The following CETP variants were observed in gnomAD, a reference collection of about 807,000 sequenced individuals.
CETP encodes the protein cholesteryl ester transfer protein.
Under a neutral mutation model 66.5 loss-of-function variants are expected in CETP, and 56 were observed. The ratio of observed to expected loss-of-function variants is 0.84; its 90% confidence interval spans 0.68 to 1.05. The LOEUF is 1.05. Among genes scored for constraint, CETP ranks in the 50% least tolerant of loss-of-function variants. The probability of loss-of-function intolerance (pLI) is 0.00; values close to 1 mark genes in which losing one functional copy is unlikely to be tolerated. For synonymous variants in CETP, 251 were observed against 245.7 expected (o/e 1.02, Z -0.20); for missense variants, 612 against 609.6 (o/e 1.00, Z -0.04).
At chr16:56,978,506 G>T (rs2056166341) in intron 11 of CETP, among the ~76,000 whole-genome samples, 4 of 151,786 alleles carry the variant, frequency 2.6e-5, no homozygotes. Context: ...TTAGAGACAG[G>T]GTCTCACTCT....
rs1262558940 is a variant in CETP, at chr16:56,983,765, T to C, written c.*99T>C. ...CTCCTCCAGCGTGGTGGAAGTTGGG[T>C]TAGGAGTACGGAGATGGAGATTGGC... On this transcript the variant is annotated 3_prime_UTR_variant, in exon 16 of 16. Transcript: ENST00000200676. 2.6e-6 allele frequency: 3 copies of C among 1,162,268 alleles called. No individual in the cohort carries two copies. The highest frequency in any genetic ancestry group is 3.9e-6 in the Non-Finnish European group (3 of 770,900). The allele number at this position is 1,162,268 out of a possible 1,614,324, so 72.0% of individuals were successfully genotyped here. A position where few individuals can be genotyped will look rare whatever the true frequency, so the allele number is the denominator to read the frequency against.
Position 56,972,166 on chromosome 16 carries a change from C to T in CETP, c.750+83C>T, listed in dbSNP as rs1022636523. 229 of 1,004,490 alleles carry T rather than the reference C, an allele frequency of 2.3e-4. 1 individual carries two copies. The highest frequency in any genetic ancestry group is 8.1e-4 in the Middle Eastern group (3 of 3,718). 62.2% of individuals were successfully genotyped at this position (1,004,490 alleles called of 1,614,324 possible). On this transcript the variant is annotated intron_variant, in intron 8 of 15. Transcript: ENST00000200676. ...TTTGTGCTCTGACAACCCCGTCCCC[C>T]AGCTTCAACCTTATGGCAGCCAAGA...
chr16:56,979,133 C>T (rs1360627599), intron 11 of CETP, among the ~76,000 whole-genome samples: 2 of 151,922 alleles, frequency 1.3e-5, no homozygotes, highest in Non-Finnish European at 2.9e-5. Context: ...AGCCAATATT[C>T]TCCTCCTTAA....
chr16:56,975,889 C>G (rs1036071297), intron 10 of CETP, among the ~76,000 whole-genome samples: 4 of 152,172 alleles, frequency 2.6e-5, no homozygotes, highest in Non-Finnish European at 2.9e-5. Context: ...TTCCCCCCCA[C>G]GTCGCTGCTC....
Position 56,961,977 on chromosome 16 carries a change from A to T in CETP, c.-3A>T. The T allele has an allele frequency of 6.2e-7, 1 of 1,613,398 alleles. No individual in the cohort carries two copies. Among genetic ancestry groups the T allele is most frequent in the Non-Finnish European group, 8.5e-7 (1 of 1,179,482 alleles). ...GCCACTTACACACCACTGCCTGATA[A>T]CCATGCTGGCTGCCACAGTCCTGAC... On this transcript the variant is annotated 5_prime_UTR_variant, in exon 1 of 16. Coordinates refer to ENST00000200676, the MANE Select transcript of CETP (RefSeq NM_000078.3).
At chr16:56,979,516 A>AGT (rs2056173345) in intron 11 of CETP, among the ~76,000 whole-genome samples, 1 of 47,346 alleles carries the variant, frequency 2.1e-5, no homozygotes, top group Non-Finnish European at 6.1e-5. Flanking sequence ...GAATATCTTC[A>AGT]ATTTTTTTTT....
chr16:56,973,398 G>A lies in CETP; in HGVS notation c.818G>A (p.Gly273Glu), dbSNP rs201503514. 60 of 1,614,050 alleles carry A rather than the reference G, an allele frequency of 3.7e-5. No homozygotes were observed. Among genetic ancestry groups the A allele is most frequent in the Middle Eastern group, 1.6e-4 (1 of 6,084 alleles). ...CCCACCTTCTCGCCCACACTGCTGG[G>A]GGACTCCCGCATGCTGTACTTCTGG... is the stretch of plus-strand genomic sequence containing the variant. ...PLPTFSPTLL[G>E]DSRMLYFWFS... The change falls in exon 9 of 16, where the codon GGG becomes GAG. Residue 273 changes from glycine (G) to glutamate (E), a missense_variant. Physicochemically the swap from Gly to Glu is moderately conservative, Grantham distance 98. Coordinates refer to ENST00000200676, the MANE Select transcript of CETP (RefSeq NM_000078.3).
chr16:56,969,109 C>CA (rs2056088915), intron 2 of CETP, among the ~76,000 whole-genome samples: 3 of 151,946 alleles, frequency 2.0e-5, no homozygotes. Flanking sequence ...TTTCGGTACC[C>CA]TGTGATTGTA....
In CETP at chr16:56,982,152, A is replaced by G. The variant is rs767841499; in HGVS notation, c.1249-13A>G. The G allele has an allele frequency of 2.5e-6, 4 of 1,613,882 alleles. No individual in the cohort carries two copies. Among genetic ancestry groups the G allele is most frequent in the Non-Finnish European group, 3.4e-6 (4 of 1,179,900 alleles). ...GCTCCAGGGAGGACTCACCATGGGC[A>G]TTTGATTGGCAGAGCAGCTCCGAGT... On this transcript the variant is annotated splice_polypyrimidine_tract_variant and intron_variant, in intron 13 of 15. Transcript: ENST00000200676.
At position 56,982,250 on chromosome 16, in the gene CETP, TG is replaced by T. The variant is rs753413737; in HGVS notation, c.1321+15del. Reference sequence around the variant, plus strand: ...GAGGTCATGTCTCGTAAGTGTGGGCTGGAGGGGAAACTGGGTGCCGAGGCTG... The same window carrying T: ...GAGGTCATGTCTCGTAAGTGTGGGCTGAGGGGAAACTGGGTGCCGAGGCTG... On this transcript the variant is annotated intron_variant, in intron 14 of 15. Coordinates refer to ENST00000200676, the MANE Select transcript of CETP (RefSeq NM_000078.3). 48 of 1,613,596 alleles carry T rather than the reference TG, an allele frequency of 3.0e-5. No homozygotes were observed. The African/African-American group carries it at 6.3e-4, about 21-fold the overall frequency.
intron 7 of CETP, 131 bp from the exon 8 acceptor site, chr16:56,971,861 A>G: frequency 1.2e-6 from 1 of 808,782 alleles, no homozygotes; most frequent in South Asian, 1.4e-5. Context: ...CCCTCCCCGC[A>G]CACCCAGGTC....
At chr16:56,968,418 C>G (rs2056083903) in intron 2 of CETP, among the ~76,000 whole-genome samples, 1 of 152,166 alleles carries the variant, frequency 6.6e-6, no homozygotes, top group South Asian at 2.1e-4. Context: ...AACTCCTGAC[C>G]TCAGGTGATC....
intron 11 of CETP, among the ~76,000 whole-genome samples, chr16:56,980,002 A>G (rs1471704115): frequency 6.6e-6 from 1 of 152,102 alleles, no homozygotes; most frequent in Non-Finnish European, 1.5e-5. Flanking sequence ...GTAACTTTAT[A>G]TTTGAATAAA....
chr16:56,983,032 G>A (rs2056199754), intron 14 of CETP, among the ~76,000 whole-genome samples: 2 of 152,186 alleles, frequency 1.3e-5, no homozygotes, highest in African/African-American at 4.8e-5. Context: ...TTCCTAGCAG[G>A]GTAGACTCAG....
intron 4 of CETP, 46 bp downstream of exon 4, chr16:56,969,727 G>T: frequency 1.2e-6 from 2 of 1,606,816 alleles, no homozygotes; most frequent in Non-Finnish European, 1.7e-6. Flanking sequence ...GGACTCCAGG[G>T]CTTGGCCTCA....
Position 56,981,695 on chromosome 16 carries a change from A to C in CETP, c.1248+15A>C. On this transcript the variant is annotated intron_variant, in intron 13 of 15. Transcript: ENST00000200676. ...ACTTGACTGAGGTAGGTAGTCTTGG[A>C]TAGACTGGGGGAAATAAGTCCTGTG... 1 of 1,613,468 alleles carries C rather than the reference A, an allele frequency of 6.2e-7. No individual in the cohort carries two copies. The highest frequency in any genetic ancestry group is 8.5e-7 in the Non-Finnish European group (1 of 1,179,384).
At chr16:56,968,180 C>CTATATCAAATA (rs1567470518) in intron 2 of CETP, among the ~76,000 whole-genome samples, 16 of 151,646 alleles carry the variant, frequency 1.1e-4, no homozygotes, top group African/African-American at 3.6e-4. Flanking sequence ...AGACCTGCAA[C>CTATATCAAATA]GTTTTGTCAA....
intron 14 of CETP, among the ~76,000 whole-genome samples, chr16:56,982,756 C>T (rs368894470): frequency 1.1e-4 from 17 of 152,222 alleles, no homozygotes; most frequent in East Asian, 5.8e-4. Flanking sequence ...GAGCTTTCTG[C>T]TCCCTTCCCC....
chr16:56,983,349 C>T lies in CETP; in HGVS notation c.1345C>T (p.Leu449Phe), dbSNP rs1164754201. 5.0e-6 allele frequency: 8 copies of T among 1,614,136 alleles called. No homozygotes were observed. The highest frequency in any genetic ancestry group is 3.3e-4 in the Middle Eastern group (2 of 6,084). The change falls in exon 15 of 16, where the codon CTC (leucine) becomes TTC (phenylalanine). Residue 449 changes from leucine (L) to phenylalanine (F), a missense_variant. Physicochemically the swap from Leu to Phe is conservative, Grantham distance 22 (BLOSUM62 0). Transcript: ENST00000200676. ...MSRLEVVFTA[L>F]MNSKGVSLFD... is the part of the protein sequence containing the mutation. ...AGGGCTCGAGGTAGTGTTTACAGCCCTCATGAACAGCAAAGGCGTGAGCCT... is the reference window on the plus strand; with the variant it reads ...AGGGCTCGAGGTAGTGTTTACAGCCTTCATGAACAGCAAAGGCGTGAGCCT...
Sources: allele counts gnomAD v4.1 joint callset (sites outside exome capture counted in the v4.1 genomes callset), GRCh38; gene constraint gnomAD v4.1.1; transcripts MANE v1.5; gene names NCBI Gene and HGNC (gene_info 2026-07-23, HGNC 2026-07-21).